Variants in GPD2 observed in about 807,000 individuals in gnomAD.
GPD2 encodes glycerol-3-phosphate dehydrogenase 2.
A neutral mutation model predicts 82.4 loss-of-function variants in GPD2; 54 were observed. The ratio of observed to expected loss-of-function variants is 0.66; its 90% CI spans 0.53 to 0.82. GPD2 has a LOEUF of 0.82. Among genes scored for constraint, GPD2 ranks in the 40% least tolerant of loss-of-function variants. The pLI, the probability that GPD2 is intolerant of heterozygous loss-of-function variation, is 0.00. For synonymous variants in GPD2, 288 were observed against 306.1 expected (o/e 0.94, Z 0.62); for missense variants, 748 against 896.2 (o/e 0.83, Z 2.11).
At chr2:156,578,840 A>C (rs1287209622) in intron 13 of GPD2, 49 bp from the exon 14 acceptor site, 1 of 1,097,988 alleles carries the variant, frequency 9.1e-7, no homozygotes, top group East Asian at 2.4e-5. Flanking sequence ...GGAGGAAAAA[A>C]ATCAATATTT....
intron 12 of GPD2, 145 bp downstream of exon 12, chr2:156,570,363 G>A (rs1687570167): frequency 1.5e-6 from 1 of 676,182 alleles, no homozygotes; most frequent in Non-Finnish European, 2.6e-6. Flanking sequence ...TTCCAATATA[G>A]ATCCTTTTAT....
In GPD2 at chr2:156,549,627, G is replaced by A. The variant is rs114580509; in HGVS notation, c.681G>A (p.Arg227=). 30 of 1,614,136 alleles carry A rather than the reference G, an allele frequency of 1.9e-5. No homozygotes were observed. The African/African-American group carries it at 3.5e-4, about 19-fold the overall frequency. The change falls in exon 7 of 17, where the codon CGG becomes CGA. Residue 227 remains arginine (R), a synonymous_variant. Coordinates refer to ENST00000438166, the MANE Select transcript of GPD2 (RefSeq NM_000408.5). ...CTGCAGGACAACATAACGATGCACG[G>A]ATGAACCTTGCCATTGCTCTGACTG... is the stretch of plus-strand genomic sequence containing the variant. ...VYYDGQHNDA[R]MNLAIALTAA... is the part of the protein sequence containing the mutation.
rs571080267 is a variant in GPD2 at position 156,457,664 on chromosome 2, T to C, written c.-8-18434T>C. Among the ~76,000 whole-genome samples the C allele has an allele frequency of 5.9e-5, 9 of 152,334 alleles. 1 individual carries two copies. In the East Asian group the frequency reaches 1.4e-3, roughly 23 times the overall value. Reference sequence around the variant, plus strand: ...ACCTGTGAGTGTTAAGTGTACTTGGTTGTTCAGAACAAAGTGCTGGTTAGG... The same window carrying C: ...ACCTGTGAGTGTTAAGTGTACTTGGCTGTTCAGAACAAAGTGCTGGTTAGG... On this transcript the variant is annotated intron_variant, in intron 1 of 16. Transcript: ENST00000438166.
At chr2:156,435,165 A>T (rs1244261110), upstream of GPD2, 1 of 152,182 alleles carries the variant, frequency 6.6e-6, no homozygotes, top group Non-Finnish European at 1.5e-5. Context: ...ACATTAAATG[A>T]GTGACTTAAT....
At chr2:156,496,961 CTG>C (rs1684407370) in intron 3 of GPD2, among the ~76,000 whole-genome samples, 1 of 76,564 alleles carries the variant, frequency 1.3e-5, no homozygotes, top group Non-Finnish European at 4.4e-5. Context: ...CTCAGTCATT[CTG>C]TCTATTAGTG....
intron 12 of GPD2, among the ~76,000 whole-genome samples, chr2:156,570,474 G>C (rs567849181): frequency 6.6e-6 from 1 of 152,010 alleles, no homozygotes; most frequent in Non-Finnish European, 1.5e-5. Context: ...GTCCCTAAAC[G>C]TGTTAATTCA....
chr2:156,435,017 C>G (rs971814924), upstream of GPD2, among the ~76,000 whole-genome samples: 16 of 152,122 alleles, frequency 1.1e-4, no homozygotes, highest in African/African-American at 3.4e-4. Context: ...CCCCCTCCCC[C>G]CAATTTTAAT....
chr2:156,532,193 G>GTTTTTTAAAACAAA (rs1685890679), intron 6 of GPD2, among the ~76,000 whole-genome samples: 1 of 152,154 alleles, frequency 6.6e-6, no homozygotes, highest in Admixed American at 6.5e-5. Context: ...TCTTTGCAGA[G>GTTTTTTAAAACAAA]ACAAGGCCTT....
chr2:156,507,192 A>T (rs1440975057), intron 3 of GPD2, among the ~76,000 whole-genome samples: 1 of 151,784 alleles, frequency 6.6e-6, no homozygotes, highest in Non-Finnish European at 1.5e-5. Context: ...TTTTTTTTTA[A>T]GTAGAGATGG....
the GPD2 span, among the ~76,000 whole-genome samples, chr2:156,427,824 T>A: frequency 6.6e-6 from 1 of 152,206 alleles, no homozygotes; most frequent in Non-Finnish European, 1.5e-5. Context: ...TCAGCAGGGC[T>A]GCACTCCTTC....
At chr2:156,578,854 T>C in intron 13 of GPD2, 35 bp from the exon 14 acceptor site, 2 of 1,167,542 alleles carry the variant, frequency 1.7e-6, no homozygotes, top group Non-Finnish European at 2.6e-6. Context: ...AATATTTCCA[T>C]GTGTCTTTGA....
chr2:156,582,484 TAAAA>T (rs5835627), intron 16 of GPD2, among the ~76,000 whole-genome samples: 1 of 136,580 alleles, frequency 7.3e-6, no homozygotes, highest in Non-Finnish European at 1.6e-5. Flanking sequence ...TTGAAGTTGC[TAAAA>T]AAAAAAAAAA....
chr2:156,552,191 T>C (rs1573992895), intron 8 of GPD2, among the ~76,000 whole-genome samples: 1 of 152,202 alleles, frequency 6.6e-6, no homozygotes, highest in East Asian at 1.9e-4. Flanking sequence ...AAAATGCGTA[T>C]GTGAGAGAAA....
At chr2:156,427,352 A>G in the GPD2 span, among the ~76,000 whole-genome samples, 1 of 152,376 alleles carries the variant, frequency 6.6e-6, no homozygotes, top group South Asian at 2.1e-4. Context: ...GGCTGTGGAA[A>G]TAGTTACTGA....
the GPD2 span, among the ~76,000 whole-genome samples, chr2:156,422,689 G>A: frequency 0.19 from 29,379 of 150,820 alleles, 3,250 homozygotes; most frequent in Non-Finnish European, 0.24. Flanking sequence ...CAGAGATTGC[G>A]CCACTGCACT....
intron 3 of GPD2, among the ~76,000 whole-genome samples, 157 bp downstream of exon 3, chr2:156,496,372 G>T (rs952659833): frequency 6.6e-6 from 1 of 152,006 alleles, no homozygotes; most frequent in African/African-American, 2.4e-5. Context: ...TATTTATCCT[G>T]ATGCTCTCCC....
At chr2:156,530,763 G>T (rs546592612) in intron 6 of GPD2, among the ~76,000 whole-genome samples, 1 of 152,146 alleles carries the variant, frequency 6.6e-6, no homozygotes, top group South Asian at 2.1e-4. Flanking sequence ...AACCAGCCTT[G>T]CATCCCAGGG....
intron 11 of GPD2, among the ~76,000 whole-genome samples, chr2:156,569,753 G>A (rs551021602): frequency 6.6e-6 from 1 of 152,212 alleles, no homozygotes; most frequent in South Asian, 2.1e-4. Context: ...ATTAAAAAGT[G>A]GAGTTTATTT....
intron 16 of GPD2, among the ~76,000 whole-genome samples, chr2:156,581,217 A>G (rs1315047245): frequency 2.6e-5 from 4 of 152,116 alleles, no homozygotes; most frequent in African/African-American, 4.8e-5. Context: ...GAAAGGGACT[A>G]TTCATGCTTT....
Sources: allele counts gnomAD v4.1 joint callset (sites outside exome capture counted in the v4.1 genomes callset), GRCh38; gene constraint gnomAD v4.1.1; transcripts MANE v1.5; gene names NCBI Gene and HGNC (gene_info 2026-07-23, HGNC 2026-07-21).